ABAT: variants seen among roughly 807,000 people sequenced by gnomAD.
The protein encoded by ABAT is 4-aminobutyrate aminotransferase, mitochondrial.
Under a neutral mutation model 64.6 loss-of-function variants are expected in ABAT, and 45 were observed. The ratio of observed to expected loss-of-function variants is 0.70; its 90% CI spans 0.55 to 0.89. ABAT has a LOEUF of 0.89. Among genes scored for constraint, ABAT ranks in the 40% least tolerant of loss-of-function variants. ABAT has a pLI of 0.00. For missense variants in ABAT, 633 were observed against 658.4 expected (o/e 0.96, Z 0.42); for synonymous variants, 297 against 250.5 (o/e 1.19, Z -1.75).
chr16:8,752,631 C>T (rs1388018782), intron 5 of ABAT, among the ~76,000 whole-genome samples: 1 of 152,078 alleles, frequency 6.6e-6, no homozygotes, highest in African/African-American at 2.4e-5. Flanking sequence ...GCTAGTCATG[C>T]TGGTGCATGC....
intron 9 of ABAT, among the ~76,000 whole-genome samples, chr16:8,767,466 G>C (rs754164927): frequency 1.3e-5 from 2 of 152,216 alleles, no homozygotes; most frequent in Non-Finnish European, 2.9e-5. Flanking sequence ...GAGGAGGCCT[G>C]AGTAGTAGGG....
intron 1 of ABAT, chr16:8,713,911 T>C (rs1236845283): frequency 2.2e-6 from 1 of 455,960 alleles, no homozygotes; most frequent in Non-Finnish European, 4.4e-6. Flanking sequence ...TCCTTACATG[T>C]GTATGTATTT....
At chr16:8,721,821 C>G (rs771094444) in intron 1 of ABAT, among the ~76,000 whole-genome samples, 2 of 152,068 alleles carry the variant, frequency 1.3e-5, no homozygotes, top group African/African-American at 2.4e-5. Flanking sequence ...ACCAGACACA[C>G]GAAGGAAGCA....
rs901043484 is a variant in ABAT, at chr16:8,783,365, A to G, written c.*1935A>G. 6.6e-6 allele frequency: 1 copy of G among 152,116 alleles called. No homozygotes were observed. The highest frequency in any genetic ancestry group is 1.5e-5 in the Non-Finnish European group (1 of 68,034). The allele number at this position is 152,116 out of a possible 1,614,324, so 9.4% of individuals were successfully genotyped here. ...ATTCAAGCAGGCGCCAAGTGCTATGACAGAGGTGTGAATAAAAGCATCAGG... is the reference window on the plus strand; with the variant it reads ...ATTCAAGCAGGCGCCAAGTGCTATGGCAGAGGTGTGAATAAAAGCATCAGG... On this transcript the variant is annotated 3_prime_UTR_variant, in exon 16 of 16. Transcript: ENST00000268251.
At chr16:8,766,356 T>C in intron 9 of ABAT, 86 bp downstream of exon 9, 1 of 1,381,042 alleles carries the variant, frequency 7.2e-7, no homozygotes, top group Non-Finnish European at 1.0e-6. Context: ...GGCACTGTCC[T>C]CAATTAGGAA....
intron 5 of ABAT, among the ~76,000 whole-genome samples, chr16:8,752,046 G>A (rs574529999): frequency 1.4e-4 from 21 of 151,842 alleles, no homozygotes; most frequent in East Asian, 1.4e-3. Context: ...GGCATCCTCC[G>A]CTCCCCATCA....
chr16:8,735,781 C>T lies in ABAT; in HGVS notation c.42C>T (p.Phe14=). ...MLLAQRLACS[F]QHSYRLLVPG... is the part of the protein sequence containing the mutation. ...TCGCCCAGCGCCTGGCCTGCAGCTTCCAGCACAGCTACCGCCTGCTGGTGC... is the reference window on the plus strand; with the variant it reads ...TCGCCCAGCGCCTGGCCTGCAGCTTTCAGCACAGCTACCGCCTGCTGGTGC... The change falls in exon 2 of 16, where the codon TTC becomes TTT. Residue 14 remains phenylalanine (F), a synonymous_variant. Transcript: ENST00000268251. 1 of 1,607,916 alleles carries T rather than the reference C, an allele frequency of 6.2e-7. No homozygotes were observed. The highest frequency in any genetic ancestry group is 8.5e-7 in the Non-Finnish European group (1 of 1,177,536).
intron 10 of ABAT, 83 bp downstream of exon 10, chr16:8,768,339 G>T (rs1389400923): frequency 7.1e-7 from 1 of 1,399,454 alleles, no homozygotes. Flanking sequence ...GACATTAGCA[G>T]TTTACACATA....
chr16:8,744,943 G>T (rs1449551032), intron 2 of ABAT, among the ~76,000 whole-genome samples: 1 of 152,094 alleles, frequency 6.6e-6, no homozygotes, highest in Non-Finnish European at 1.5e-5. Flanking sequence ...GCCACATTCT[G>T]CTTAGCTGAC....
intron 2 of ABAT, among the ~76,000 whole-genome samples, chr16:8,742,470 A>G (rs1271554410): frequency 6.6e-6 from 1 of 152,226 alleles, no homozygotes; most frequent in Non-Finnish European, 1.5e-5. Flanking sequence ...GCACTGGTGA[A>G]GAGCTATTTT....
intron 1 of ABAT, among the ~76,000 whole-genome samples, chr16:8,702,046 C>T (rs2057835553): frequency 1.3e-5 from 2 of 152,028 alleles, no homozygotes; most frequent in Admixed American, 6.6e-5. Flanking sequence ...TGTATTGGTT[C>T]GTTCTCAAAC....
At chr16:8,766,715 T>C (rs1394348143) in intron 9 of ABAT, among the ~76,000 whole-genome samples, 2 of 151,556 alleles carry the variant, frequency 1.3e-5, no homozygotes, top group African/African-American at 4.9e-5. Context: ...ACGCCTGTAA[T>C]CCCAGCACTT....
intron 11 of ABAT, among the ~76,000 whole-genome samples, chr16:8,771,897 T>G (rs2060121016): frequency 6.6e-6 from 1 of 151,880 alleles, no homozygotes; most frequent in Non-Finnish European, 1.5e-5. Flanking sequence ...CTCAAGTAGC[T>G]GAGACTACAG....
In ABAT at chr16:8,766,246, G is replaced by A. The variant is rs1371497010; in HGVS notation, c.579G>A (p.Glu193=). The part of the protein sequence containing the change: ...ERGQRGFSQE[E]LETCMINQAP... ...GGCAGAGGGGCTTCTCCCAGGAGGA[G>A]CTGGAGACGTGCATGATTAACCAGG... The change falls in exon 9 of 16, where the codon GAG becomes GAA. Residue 193 remains glutamate (E), a synonymous_variant. Coordinates refer to ENST00000268251, the MANE Select transcript of ABAT (RefSeq NM_020686.6). 1.9e-6 allele frequency: 3 copies of A among 1,614,016 alleles called. No individual in the cohort carries two copies. The highest frequency in any genetic ancestry group is 2.5e-6 in the Non-Finnish European group (3 of 1,179,982).
At chr16:8,721,070 CTATTACTCCCATTT>C (rs2058355314) in intron 1 of ABAT, 2 of 152,180 alleles carry the variant, frequency 1.3e-5, no homozygotes, top group Admixed American at 1.3e-4. Context: ...GTTCCAATTG[CTATTACTCCCATTT>C]TACAGATCAG....
At chr16:8,722,311 T>C (rs2058394928) in intron 1 of ABAT, among the ~76,000 whole-genome samples, 2 of 152,192 alleles carry the variant, frequency 1.3e-5, no homozygotes, top group African/African-American at 4.8e-5. Context: ...TTTTTATTTG[T>C]TATATTTTTC....
At chr16:8,722,256 C>T in intron 1 of ABAT, among the ~76,000 whole-genome samples, 1 of 152,118 alleles carries the variant, frequency 6.6e-6, no homozygotes, top group South Asian at 2.1e-4. Flanking sequence ...TCCTAGTTGC[C>T]TTCGTAGCAA....
intron 1 of ABAT, among the ~76,000 whole-genome samples, chr16:8,698,495 A>G (rs911665225): frequency 6.6e-6 from 1 of 152,008 alleles, no homozygotes; most frequent in African/African-American, 2.4e-5. Context: ...CGCCACACCC[A>G]GCTAATTCTT....
chr16:8,756,726 G>T (rs565495264), intron 5 of ABAT, among the ~76,000 whole-genome samples: 1 of 152,142 alleles, frequency 6.6e-6, no homozygotes, highest in Admixed American at 6.5e-5. Context: ...CAGCTGATTC[G>T]TTACATTAGA....
Sources: gnomAD v4.1 joint callset for allele counts (sites outside exome capture counted in the v4.1 genomes callset) on GRCh38, gnomAD v4.1.1 for gene constraint, MANE v1.5 for transcripts, NCBI Gene and HGNC (gene_info 2026-07-23, HGNC 2026-07-21) for gene names.